The following FRMD4A variants were observed in gnomAD, a reference collection of about 807,000 sequenced individuals.
FRMD4A encodes the protein FERM domain containing 4A.
FRMD4A carries 29 observed loss-of-function variants against 129.1 expected under a neutral mutation model. The ratio of observed to expected loss-of-function variants is 0.22; its 90% CI spans 0.17 to 0.31. The LOEUF (loss-of-function observed/expected upper bound fraction) is 0.31. Ranked by LOEUF, FRMD4A falls within the 10% of genes least tolerant of loss-of-function variation. FRMD4A has a pLI of 1.00. For synonymous variants in FRMD4A, 634 were observed against 571.6 expected, an observed-to-expected ratio of 1.11 and a Z score of -1.56; for missense variants, 1,272 against 1,375.8, an observed-to-expected ratio of 0.92 and a Z score of 1.19.
At chr10:14,330,227 C>A in intron 1 of FRMD4A, 44 bp from the exon 2 acceptor site, 1 of 946,198 alleles carries the variant, frequency 1.1e-6, no homozygotes, top group Non-Finnish European at 1.6e-6. Flanking sequence ...GAGCAAAAGG[C>A]TCAAGGGGAA....
chr10:13,786,322 T>G (rs184605031), intron 5 of FRMD4A, among the ~76,000 whole-genome samples: 3 of 152,310 alleles, frequency 2.0e-5, no homozygotes, highest in Admixed American at 6.5e-5. Flanking sequence ...TTTCAAAAAA[T>G]AAATCTATAT....
At chr10:14,165,310 G>A (rs1031181761) in intron 2 of FRMD4A, among the ~76,000 whole-genome samples, 4 of 152,174 alleles carry the variant, frequency 2.6e-5, no homozygotes, top group East Asian at 1.9e-4. Flanking sequence ...AAACCACAGC[G>A]ATAGCCATCC....
In FRMD4A at chr10:13,858,900, G is replaced by A. The variant is rs1268963587; in HGVS notation, c.58C>T (p.Arg20Cys). The change falls in exon 3 of 25, where the codon CGC (arginine) becomes TGC (cysteine). Residue 20 changes from arginine to cysteine, a missense_variant. Physicochemically the swap from Arg to Cys is radical, Grantham distance 180. This residue lies in a region of FRMD4A where 300 missense variants were observed against 483.6 expected (regional missense o/e 0.62). Transcript: ENST00000357447. ...TCAAGAAGATGTACTTGACATCGGC[G>A]GCCCTCCGTCATCTAAGAGGGAAGA... ...ALGLLMMTEG[R>C]RCQVHLLDDR... The A allele has an allele frequency of 1.9e-6, 3 of 1,598,136 alleles. No homozygotes were observed. The highest frequency in any genetic ancestry group is 2.6e-6 in the Non-Finnish European group (3 of 1,165,526).
chr10:14,072,511 G>A (rs1288779115), intron 2 of FRMD4A, among the ~76,000 whole-genome samples: 4 of 152,090 alleles, frequency 2.6e-5, no homozygotes, highest in South Asian at 2.1e-4. Context: ...AAAGCCTAAC[G>A]CTTTCTGAGC....
chr10:13,712,749 T>C (rs1040000427), intron 12 of FRMD4A, among the ~76,000 whole-genome samples: 6 of 152,170 alleles, frequency 3.9e-5, no homozygotes, highest in Non-Finnish European at 8.8e-5. Context: ...TCTTCATGTA[T>C]GAAAACAGGA....
chr10:14,092,981 G>C lies in FRMD4A; in HGVS notation c.46-234069C>G, dbSNP rs1420671085. Among the ~76,000 whole-genome samples, 3 of 152,166 alleles carry C rather than the reference G, an allele frequency of 2.0e-5. No individual in the cohort carries two copies. The East Asian group carries it at 5.8e-4, about 29-fold the overall frequency. ...GTGTAAAGTCAATATGATTGGCCCA[G>C]TGATGCTGCTGTGCCCAAGAGCATT... On this transcript the variant is annotated intron_variant, in intron 2 of 24. Coordinates refer to ENST00000357447, the MANE Select transcript of FRMD4A (RefSeq NM_018027.5).
chr10:14,262,890 A>G (rs1844852046), intron 2 of FRMD4A, among the ~76,000 whole-genome samples: 1 of 152,216 alleles, frequency 6.6e-6, no homozygotes, highest in South Asian at 2.1e-4. Context: ...ACAAGTCAGC[A>G]TACTGAATAG....
At chr10:13,775,993 C>T (rs371898725) in intron 6 of FRMD4A, among the ~76,000 whole-genome samples, 86 of 152,232 alleles carry the variant, frequency 5.6e-4, no homozygotes, top group African/African-American at 1.7e-3. Context: ...GGATTAGTCA[C>T]GATAATGTCA....
chr10:14,115,706 G>A (rs371414632), intron 2 of FRMD4A, among the ~76,000 whole-genome samples: 174 of 152,156 alleles, frequency 1.1e-3, no homozygotes, highest in African/African-American at 3.5e-3. Context: ...CTCCCTCCCC[G>A]CTCTCTCTTG....
At chr10:13,765,101 A>ATTTTTTTTTTTTTTTTTTTTTTT (rs10708906) in intron 6 of FRMD4A, among the ~76,000 whole-genome samples, 4 of 125,278 alleles carry the variant, frequency 3.2e-5, no homozygotes, top group African/African-American at 2.9e-5. Context: ...TCAAGGATTG[A>ATTTTTTTTTTTTTTTTTTTTTTT]TTTTTTTTTT....
chr10:14,005,647 CT>C, intron 2 of FRMD4A, among the ~76,000 whole-genome samples: 1 of 152,128 alleles, frequency 6.6e-6, no homozygotes, highest in Non-Finnish European at 1.5e-5. Flanking sequence ...GGTTATAACC[CT>C]TTTCTCAGGG....
intron 2 of FRMD4A, among the ~76,000 whole-genome samples, chr10:13,978,011 C>T (rs570962153): frequency 1.7e-4 from 26 of 152,252 alleles, no homozygotes; most frequent in South Asian, 8.3e-4. Context: ...GCACATACCT[C>T]GGAGTGGAAT....
intron 2 of FRMD4A, among the ~76,000 whole-genome samples, chr10:13,969,622 A>T (rs1275525935): frequency 6.6e-6 from 1 of 152,206 alleles, no homozygotes; most frequent in East Asian, 1.9e-4. Flanking sequence ...AGGCCGAGGC[A>T]GGAGGATCAC....
At chr10:14,102,136 A>G (rs975873985) in intron 2 of FRMD4A, among the ~76,000 whole-genome samples, 1 of 152,204 alleles carries the variant, frequency 6.6e-6, no homozygotes, top group African/African-American at 2.4e-5. Context: ...TGGTCCATAG[A>G]TTGGAAGATT....
intron 5 of FRMD4A, among the ~76,000 whole-genome samples, chr10:13,783,597 G>A (rs1198377568): frequency 6.6e-6 from 1 of 151,674 alleles, no homozygotes; most frequent in Non-Finnish European, 1.5e-5. Flanking sequence ...GCTCAGGCTG[G>A]GCTCAAATTA....
At chr10:13,957,833 T>C (rs2095419047) in intron 2 of FRMD4A, among the ~76,000 whole-genome samples, 5 of 152,168 alleles carry the variant, frequency 3.3e-5, no homozygotes, top group Admixed American at 2.0e-4. Context: ...ACTCCTTTTC[T>C]TTCTCTCTGT....
intron 22 of FRMD4A, among the ~76,000 whole-genome samples, 155 bp downstream of exon 22, chr10:13,656,481 C>T (rs374644243): frequency 1.8e-4 from 28 of 152,172 alleles, no homozygotes; most frequent in African/African-American, 6.3e-4. Flanking sequence ...GACCTCAAGT[C>T]TCCCGCATCT....
intron 2 of FRMD4A, among the ~76,000 whole-genome samples, chr10:14,073,524 G>A (rs1835414529): frequency 6.6e-6 from 1 of 152,156 alleles, no homozygotes; most frequent in Non-Finnish European, 1.5e-5. Flanking sequence ...CCCTCCCAAA[G>A]CAAAATAACA....
chr10:13,703,388 A>G (rs1350722356), intron 13 of FRMD4A, among the ~76,000 whole-genome samples: 1 of 152,224 alleles, frequency 6.6e-6, no homozygotes, highest in East Asian at 1.9e-4. Context: ...GAAGCTAAGC[A>G]TTGAGTTAGG....
Sources: gnomAD v4.1 joint callset for allele counts (sites outside exome capture counted in the v4.1 genomes callset) on GRCh38, gnomAD v4.1.1 for gene constraint, gnomAD v4.1.1 regional missense constraint, MANE v1.5 for transcripts, NCBI Gene and HGNC (gene_info 2026-07-23, HGNC 2026-07-21) for gene names.